The following COL19A1 variants were observed in gnomAD, a reference collection of about 807,000 sequenced individuals.
COL19A1 encodes the protein collagen type XIX alpha 1 chain, also known as collagen alpha-1(XIX) chain.
Under a neutral mutation model 190.2 loss-of-function variants are expected in COL19A1, and 159 were observed. The ratio of observed to expected loss-of-function variants is 0.84; its 90% CI spans 0.73 to 0.95. The LOEUF is 0.95. Among genes scored for constraint, COL19A1 ranks in the 40% least tolerant of loss-of-function variants. The pLI is 0.00. For synonymous variants in COL19A1, 509 were observed against 458.9 expected (o/e 1.11, Z -1.39); for missense variants, 1,418 against 1,431.9 (o/e 0.99, Z 0.16).
intron 18 of COL19A1, among the ~76,000 whole-genome samples, chr6:70,136,449 T>C (rs1048910588): frequency 1.3e-5 from 2 of 152,210 alleles, no homozygotes; most frequent in African/African-American, 2.4e-5. Flanking sequence ...GCTACTCATC[T>C]GTTATAATGA....
At chr6:69,935,711 T>C (rs1247779444) in intron 7 of COL19A1, among the ~76,000 whole-genome samples, 1 of 152,008 alleles carries the variant, frequency 6.6e-6, no homozygotes, top group African/African-American at 2.4e-5. Context: ...CCAAGTTTTT[T>C]TTTTTATTTC....
At chr6:70,043,119 A>G (rs1779713878) in intron 14 of COL19A1, among the ~76,000 whole-genome samples, 1 of 152,080 alleles carries the variant, frequency 6.6e-6, no homozygotes, top group Admixed American at 6.5e-5. Context: ...GTTGTTTTTC[A>G]ATTTATTTTG....
At chr6:69,943,279 T>G (rs1315451085) in intron 9 of COL19A1, among the ~76,000 whole-genome samples, 2 of 152,182 alleles carry the variant, frequency 1.3e-5, no homozygotes, top group Non-Finnish European at 2.9e-5. Context: ...TTGAGTTGCT[T>G]GAGCTCCTTG....
intron 28 of COL19A1, 32 bp from the exon 29 acceptor site, chr6:70,149,819 A>G (rs753535417): frequency 5.0e-6 from 8 of 1,613,382 alleles, no homozygotes; most frequent in South Asian, 3.3e-5. Context: ...CCATCCTCAT[A>G]AGTAACTGTT....
At chr6:70,036,676 T>A (rs1040422701) in intron 14 of COL19A1, among the ~76,000 whole-genome samples, 7 of 152,078 alleles carry the variant, frequency 4.6e-5, no homozygotes, top group South Asian at 4.1e-4. Flanking sequence ...TTGTTTTTTT[T>A]AAAAAAGATC....
At chr6:70,001,169 A>G (rs1777241087) in intron 11 of COL19A1, among the ~76,000 whole-genome samples, 1 of 152,154 alleles carries the variant, frequency 6.6e-6, no homozygotes, top group Non-Finnish European at 1.5e-5. Context: ...GTCGAAGATC[A>G]GATTGTTGTA....
intron 11 of COL19A1, among the ~76,000 whole-genome samples, chr6:70,021,733 A>G (rs915339264): frequency 3.9e-5 from 6 of 152,212 alleles, no homozygotes; most frequent in African/African-American, 1.4e-4. Flanking sequence ...TATAGTAGGC[A>G]TGGTTGAGCA....
chr6:70,084,569 C>G (rs1174556118), intron 15 of COL19A1, among the ~76,000 whole-genome samples: 2 of 152,200 alleles, frequency 1.3e-5, no homozygotes, highest in African/African-American at 4.8e-5. Context: ...ACAGAAGTTT[C>G]TCTGCCTATT....
At chr6:69,924,254 C>T (rs891199833) in intron 4 of COL19A1, among the ~76,000 whole-genome samples, 2 of 151,028 alleles carry the variant, frequency 1.3e-5, no homozygotes, top group East Asian at 1.9e-4. Flanking sequence ...CCTCCCCCTT[C>T]CCCCCACCCC....
chr6:70,059,858 G>A (rs1269664934), intron 14 of COL19A1: 4 of 478,754 alleles, frequency 8.4e-6, no homozygotes, highest in African/African-American at 8.1e-5. Context: ...TATTTTTATA[G>A]CAGACTAAGT....
chr6:69,900,891 T>G (rs2149974131), intron 4 of COL19A1, among the ~76,000 whole-genome samples: 1 of 152,304 alleles, frequency 6.6e-6, no homozygotes, highest in East Asian at 1.9e-4. Flanking sequence ...ACTTTTTCTT[T>G]CTTTTTTCTA....
intron 14 of COL19A1, among the ~76,000 whole-genome samples, chr6:70,047,064 A>T (rs903505450): frequency 6.6e-6 from 1 of 152,124 alleles, no homozygotes; most frequent in African/African-American, 2.4e-5. Context: ...TGCTAATATC[A>T]TTGTCACGTA....
At chr6:70,190,139 A>G (rs976462011) in intron 47 of COL19A1, among the ~76,000 whole-genome samples, 176 bp from the exon 48 acceptor site, 1 of 152,256 alleles carries the variant, frequency 6.6e-6, no homozygotes, top group Non-Finnish European at 1.5e-5. Context: ...ACTTCTTCCC[A>G]GAATTTGGTC....
chr6:69,868,821 G>A (rs1767641469), intron 1 of COL19A1, among the ~76,000 whole-genome samples: 1 of 152,186 alleles, frequency 6.6e-6, no homozygotes, highest in Non-Finnish European at 1.5e-5. Context: ...CTCTCCTGCT[G>A]CAATTTTAGT....
At chr6:70,110,520 T>C (rs1784225900) in intron 16 of COL19A1, among the ~76,000 whole-genome samples, 1 of 152,160 alleles carries the variant, frequency 6.6e-6, no homozygotes, top group African/African-American at 2.4e-5. Context: ...TTAATCATGT[T>C]TATTGCCACT....
chr6:69,924,996 G>A (rs1446505622), intron 4 of COL19A1, among the ~76,000 whole-genome samples: 2 of 152,182 alleles, frequency 1.3e-5, no homozygotes, highest in African/African-American at 4.8e-5. Context: ...CCCTTTGTTA[G>A]ATGAGTAGAT....
intron 14 of COL19A1, among the ~76,000 whole-genome samples, chr6:70,046,299 C>T (rs138755256): frequency 2.6e-5 from 4 of 152,096 alleles, no homozygotes; most frequent in Non-Finnish European, 2.9e-5. Flanking sequence ...GCTCTTCTTG[C>T]GTGATTTACA....
At chr6:69,881,287 T>C (rs1213256242) in intron 2 of COL19A1, among the ~76,000 whole-genome samples, 1 of 152,236 alleles carries the variant, frequency 6.6e-6, no homozygotes, top group Non-Finnish European at 1.5e-5. Flanking sequence ...TTCACCTGGT[T>C]ACCTTGCATT....
chr6:70,005,377 G>A (rs1777552495), intron 11 of COL19A1, among the ~76,000 whole-genome samples: 1 of 152,040 alleles, frequency 6.6e-6, no homozygotes, highest in South Asian at 2.1e-4. Flanking sequence ...GTTGCTTTCT[G>A]TTTGTTTATT....
Sources: gnomAD v4.1 joint callset for allele counts (sites outside exome capture counted in the v4.1 genomes callset) on GRCh38, gnomAD v4.1.1 for gene constraint, MANE v1.5 for transcripts, NCBI Gene and HGNC (gene_info 2026-07-23, HGNC 2026-07-21) for gene names.